Variants in KIF13A observed in about 807,000 individuals in gnomAD.
The protein encoded by KIF13A is kinesin family member 13A, also known as kinesin-like protein KIF13A.
Under a neutral mutation model 212.2 loss-of-function variants are expected in KIF13A, and 79 were observed. The ratio of observed to expected loss-of-function variants is 0.37; its 90% CI spans 0.31 to 0.45. KIF13A has a LOEUF of 0.45. Among genes scored for constraint, KIF13A ranks in the 20% least tolerant of loss-of-function variants. The probability of loss-of-function intolerance (pLI) is 1.00; values close to 1 mark genes in which losing one functional copy is unlikely to be tolerated. For synonymous variants in KIF13A, 789 were observed against 808.6 expected, an observed-to-expected ratio of 0.98 and a Z score of 0.41; for missense variants, 1,901 against 2,209.0, an observed-to-expected ratio of 0.86 and a Z score of 2.79.
chr6:17,950,983 C>T (rs1290447516), intron 2 of KIF13A: 2 of 976,164 alleles, frequency 2.0e-6, no homozygotes, highest in East Asian at 2.2e-4. Context: ...AATAATTTCT[C>T]AAATGAATAT....
At chr6:17,945,681 C>CT (rs1237488309) in intron 2 of KIF13A, among the ~76,000 whole-genome samples, 2 of 152,154 alleles carry the variant, frequency 1.3e-5, no homozygotes, top group African/African-American at 4.8e-5. Context: ...GATGCCAATT[C>CT]TTTTCACATT....
intron 2 of KIF13A, among the ~76,000 whole-genome samples, chr6:17,973,526 C>T (rs1202292826): frequency 6.6e-6 from 1 of 152,144 alleles, no homozygotes; most frequent in Non-Finnish European, 1.5e-5. Flanking sequence ...AATTAAAATG[C>T]AATGTATTTC....
In KIF13A at chr6:17,773,686, C is replaced by T; in HGVS notation, c.4219-103G>A. Reference sequence around the variant, plus strand: ...TGTTTTTTTTTAATGGCAGCATATGCTCTTCTTTATTTTTATTATGATTTA... The same window carrying T: ...TGTTTTTTTTTAATGGCAGCATATGTTCTTCTTTATTTTTATTATGATTTA... On this transcript the variant is annotated intron_variant, in intron 35 of 38. Coordinates refer to ENST00000259711, the MANE Select transcript of KIF13A (RefSeq NM_022113.6). The surrounding 1 kb of genome is among the most constrained non-coding windows in gnomAD (Gnocchi z 4.2). 1 of 545,760 alleles carries T rather than the reference C, an allele frequency of 1.8e-6. No individual in the cohort carries two copies. The highest frequency in any genetic ancestry group is 2.8e-5 in the East Asian group (1 of 35,284). 33.8% of individuals were successfully genotyped at this position (545,760 alleles called of 1,614,324 possible).
chr6:17,801,688 A>G (rs1762485784), intron 20 of KIF13A, among the ~76,000 whole-genome samples: 1 of 152,146 alleles, frequency 6.6e-6, no homozygotes, highest in Non-Finnish European at 1.5e-5. Flanking sequence ...CCAAATTGAC[A>G]AGGTTCCCGG....
chr6:17,941,703 T>C (rs1776968547), intron 2 of KIF13A, among the ~76,000 whole-genome samples: 1 of 151,464 alleles, frequency 6.6e-6, no homozygotes, highest in Admixed American at 6.6e-5. Flanking sequence ...TGAGAAAATA[T>C]TCAACCTTCA....
rs1765280498 is a variant in KIF13A, at chr6:17,829,787, G to A, written c.1401+1314C>T. 6.6e-6 allele frequency among the ~76,000 whole-genome samples: 1 copy of A among 152,018 alleles called. No individual in the cohort carries two copies. The highest frequency in any genetic ancestry group is 6.5e-5 in the Admixed American group (1 of 15,268). Reference sequence around the variant, plus strand: ...GTTGGGGGACTCTCAATAACTCAGGGGCTATTTGTACCAAATTTACACCTC... The same window carrying A: ...GTTGGGGGACTCTCAATAACTCAGGAGCTATTTGTACCAAATTTACACCTC... On this transcript the variant is annotated intron_variant, in intron 13 of 38. Transcript: ENST00000259711. The surrounding 1 kb of genome is among the most constrained non-coding windows in gnomAD (Gnocchi z 5.4).
At chr6:17,930,043 A>G (rs1250532615) in intron 2 of KIF13A, among the ~76,000 whole-genome samples, 1 of 152,260 alleles carries the variant, frequency 6.6e-6, no homozygotes. Flanking sequence ...ATGGGGCTAC[A>G]GTCTGCCTGC....
chr6:17,794,181 AAG>A lies in KIF13A; in HGVS notation c.3222+66_3222+67del. The A allele has an allele frequency of 3.2e-6, 4 of 1,247,420 alleles. No individual in the cohort carries two copies. The highest frequency in any genetic ancestry group is 4.5e-6 in the Non-Finnish European group (4 of 883,372). 77.3% of individuals were successfully genotyped at this position (1,247,420 alleles called of 1,614,324 possible). ...GGCAAAGAGTTCTGTTATATTGGCA[AAG>A]AGGTCCCCCTGGGACCTGCATTAAC... On this transcript the variant is annotated intron_variant, in intron 25 of 38. Coordinates refer to ENST00000259711, the MANE Select transcript of KIF13A (RefSeq NM_022113.6). The surrounding 1 kb of genome is among the most constrained non-coding windows in gnomAD (Gnocchi z 4.1).
At position 17,799,908 on chromosome 6, in the gene KIF13A, T is replaced by A. The variant is rs760847865; in HGVS notation, c.2616+44A>T. 3.7e-5 allele frequency: 59 copies of A among 1,575,904 alleles called. No individual in the cohort carries two copies. Among genetic ancestry groups the A allele is most frequent in the Middle Eastern group, 1.7e-4 (1 of 5,860 alleles). On this transcript the variant is annotated intron_variant, in intron 21 of 38. Transcript: ENST00000259711. This position sits in a 1 kb window ranked among gnomAD's most constrained non-coding sequence, Gnocchi z 4.4. Reference sequence around the variant, plus strand: ...AGATTTTTTGTAAAATGGTTTTGCATGAAAAAGGTCATTTATATGAGCCTC... The same window carrying A: ...AGATTTTTTGTAAAATGGTTTTGCAAGAAAAAGGTCATTTATATGAGCCTC...
intron 17 of KIF13A, among the ~76,000 whole-genome samples, chr6:17,814,086 G>A (rs1432963551): frequency 1.3e-5 from 2 of 151,090 alleles, no homozygotes; most frequent in Admixed American, 6.6e-5. Context: ...CCGAGTAGCT[G>A]GGACTACAGG....
Position 17,794,450 on chromosome 6 carries a change from G to C in KIF13A, c.3076-55C>G, listed in dbSNP as rs758714998. ...CAGGAATGATAATGAAAAGGAACGG[G>C]ATAAAGAAGGGGAAAAGGATTAGAG... is the stretch of plus-strand genomic sequence containing the variant. On this transcript the variant is annotated intron_variant, in intron 24 of 38. Transcript: ENST00000259711. The surrounding 1 kb of genome is among the most constrained non-coding windows in gnomAD (Gnocchi z 4.1). 3.8e-6 allele frequency: 6 copies of C among 1,578,412 alleles called. No homozygotes were observed. In the African/African-American group the frequency reaches 8.1e-5, roughly 21 times the overall value.
Position 17,777,473 on chromosome 6 carries a change from T to G in KIF13A, c.4093-119A>C. On this transcript the variant is annotated intron_variant, in intron 33 of 38. Transcript: ENST00000259711. The surrounding 1 kb of genome is among the most constrained non-coding windows in gnomAD (Gnocchi z 4.4). ...ATCTCTGCTCACTGCAACCTCTGCCTCCTGGGTTCAAGCAATTCTGCCTCA... is the reference window on the plus strand; with the variant it reads ...ATCTCTGCTCACTGCAACCTCTGCCGCCTGGGTTCAAGCAATTCTGCCTCA... 1.2e-6 allele frequency: 1 copy of G among 818,594 alleles called. No homozygotes were observed. Among genetic ancestry groups the G allele is most frequent in the Non-Finnish European group, 2.0e-6 (1 of 497,396 alleles). 50.7% of individuals were successfully genotyped at this position (818,594 alleles called of 1,614,324 possible). A position where few individuals can be genotyped will look rare whatever the true frequency, so the allele number is the denominator to read the frequency against.
chr6:17,762,612 TAA>T (rs1038754909), downstream of KIF13A, among the ~76,000 whole-genome samples: 3 of 152,186 alleles, frequency 2.0e-5, no homozygotes, highest in Non-Finnish European at 4.4e-5. Flanking sequence ...AGTAAAGAAT[TAA>T]AGAGTCTTTG....
chr6:17,880,247 T>C (rs975340881), intron 3 of KIF13A, among the ~76,000 whole-genome samples: 7 of 152,134 alleles, frequency 4.6e-5, no homozygotes, highest in African/African-American at 1.7e-4. Flanking sequence ...TGAACCACCA[T>C]GGCTGGCCAG....
In KIF13A at chr6:17,794,884, A is replaced by G. The variant is rs1761899284; in HGVS notation, c.2943-180T>C. The stretch of plus-strand genomic sequence containing the variant: ...CCTGTCATATTGTTTCTTTTTATTT[A>G]TTTTACTGAGGTAGACTGAAATGTC... On this transcript the variant is annotated intron_variant, in intron 23 of 38. Transcript: ENST00000259711. The surrounding 1 kb of genome is among the most constrained non-coding windows in gnomAD (Gnocchi z 4.1). 1.0e-5 allele frequency: 6 copies of G among 595,024 alleles called. No homozygotes were observed. Among genetic ancestry groups the G allele is most frequent in the Admixed American group, 7.2e-5 (2 of 27,776 alleles). The allele number at this position is 595,024 out of a possible 1,614,324, so 36.9% of individuals were successfully genotyped here. A position where few individuals can be genotyped will look rare whatever the true frequency, so the allele number is the denominator to read the frequency against.
rs1253178495 is a variant in KIF13A, at chr6:17,825,789, T to A, written c.1765A>T (p.Met589Leu). The A allele has an allele frequency of 1.2e-6, 2 of 1,613,796 alleles. No individual in the cohort carries two copies. The highest frequency in any genetic ancestry group is 1.3e-5 in the African/African-American group (1 of 75,038). ...NYEFAQMEVI[M>L]KTLNSNDPVQ... ...TTACCATTACTATTCAGGGTTTTCATGATAACTTCCATCTGTGCAAATTCA... is the reference window on the plus strand; with the variant it reads ...TTACCATTACTATTCAGGGTTTTCAAGATAACTTCCATCTGTGCAAATTCA... The change falls in exon 16 of 39, where the codon ATG (methionine) becomes TTG (leucine). Residue 589 changes from methionine (M) to leucine (L), a missense_variant. Physicochemically the swap from Met to Leu is conservative, Grantham distance 15. Coordinates refer to ENST00000259711, the MANE Select transcript of KIF13A (RefSeq NM_022113.6). This position sits in a 1 kb window ranked among gnomAD's most constrained non-coding sequence, Gnocchi z 4.5.
At chr6:17,921,901 T>TA (rs1469415969) in intron 2 of KIF13A, among the ~76,000 whole-genome samples, 2 of 152,176 alleles carry the variant, frequency 1.3e-5, no homozygotes, top group Non-Finnish European at 2.9e-5. Context: ...GTTGAGTGAC[T>TA]AAAAAATCTG....
intron 2 of KIF13A, among the ~76,000 whole-genome samples, chr6:17,935,366 C>T (rs1209128220): frequency 6.6e-6 from 1 of 152,106 alleles, no homozygotes; most frequent in African/African-American, 2.4e-5. Flanking sequence ...CTCAGCTCAG[C>T]AGGCAGCTGG....
At position 17,946,097 on chromosome 6, in the gene KIF13A, T is replaced by C. The variant is rs139947024; in HGVS notation, c.146+40957A>G. 6.4e-4 allele frequency among the ~76,000 whole-genome samples: 97 copies of C among 152,282 alleles called. No homozygotes were observed. The East Asian group carries it at 0.018, about 28-fold the overall frequency. ...TTTGTATGCGCTTAGAGAAGAACTT[T>C]TAAAAACATGACACATACAGCATTA... On this transcript the variant is annotated intron_variant, in intron 2 of 38. Coordinates refer to ENST00000259711, the MANE Select transcript of KIF13A (RefSeq NM_022113.6).
Sources: gnomAD v4.1 joint callset for allele counts (sites outside exome capture counted in the v4.1 genomes callset) on GRCh38, gnomAD v4.1.1 for gene constraint, Gnocchi (gnomAD v3.1) non-coding constraint, MANE v1.5 for transcripts, NCBI Gene and HGNC (gene_info 2026-07-23, HGNC 2026-07-21) for gene names.